Variants in KCNQ5 observed in about 807,000 individuals in gnomAD.
The protein encoded by KCNQ5 is potassium voltage-gated channel subfamily KQT member 5.
In KCNQ5, 30 loss-of-function variants were observed where a neutral mutation model predicts 98.2. The observed-to-expected ratio is 0.31, with a 90% CI of 0.23 to 0.41. The LOEUF is 0.41. Ranked by LOEUF, KCNQ5 falls within the 10% of genes least tolerant of loss-of-function variation. The pLI is 1.00. For synonymous variants in KCNQ5, 458 were observed against 449.4 expected (o/e 1.02, Z -0.24); for missense variants, 835 against 1,182.5 (o/e 0.71, Z 4.31).
At chr6:72,745,172 A>T (rs1582210230) in intron 1 of KCNQ5, among the ~76,000 whole-genome samples, 1 of 152,286 alleles carries the variant, frequency 6.6e-6, no homozygotes, top group South Asian at 2.1e-4. Flanking sequence ...TTTGCCATTT[A>T]AAAATCCAGC....
intron 1 of KCNQ5, among the ~76,000 whole-genome samples, chr6:72,908,733 T>C (rs193014810): frequency 6.6e-6 from 1 of 152,216 alleles, no homozygotes; most frequent in Admixed American, 6.5e-5. Context: ...ATCAAAGAAA[T>C]GGAGGAAGTA....
At chr6:73,057,175 G>A (rs1772548047) in intron 3 of KCNQ5, among the ~76,000 whole-genome samples, 1 of 152,108 alleles carries the variant, frequency 6.6e-6, no homozygotes, top group East Asian at 1.9e-4. Context: ...CATGTCCTTT[G>A]CAGGGACATG....
intron 7 of KCNQ5, among the ~76,000 whole-genome samples, chr6:73,116,497 C>G (rs1775501307): frequency 6.6e-6 from 1 of 152,062 alleles, no homozygotes; most frequent in Non-Finnish European, 1.5e-5. Context: ...GAGACCCCAC[C>G]TCTACAAAAA....
chr6:72,936,617 A>G (rs1765927652), intron 1 of KCNQ5, among the ~76,000 whole-genome samples: 1 of 152,230 alleles, frequency 6.6e-6, no homozygotes, highest in African/African-American at 2.4e-5. Flanking sequence ...AAATATATAA[A>G]TGTATCATTT....
intron 1 of KCNQ5, among the ~76,000 whole-genome samples, chr6:72,931,296 G>A (rs890095102): frequency 7.2e-5 from 11 of 152,030 alleles, no homozygotes; most frequent in African/African-American, 2.7e-4. Context: ...GGCCAATATA[G>A]TATGATAATA....
chr6:72,891,536 T>C (rs1779057564), intron 1 of KCNQ5, among the ~76,000 whole-genome samples: 1 of 152,118 alleles, frequency 6.6e-6, no homozygotes, highest in Non-Finnish European at 1.5e-5. Flanking sequence ...TTAAAGTGAC[T>C]TAAAGAAAAC....
chr6:73,128,333 T>C (rs562591988), intron 9 of KCNQ5, among the ~76,000 whole-genome samples: 1 of 152,360 alleles, frequency 6.6e-6, no homozygotes, highest in South Asian at 2.1e-4. Context: ...GGTAAATGTG[T>C]TTATTGATTT....
intron 10 of KCNQ5, among the ~76,000 whole-genome samples, chr6:73,155,520 G>T (rs1299100687): frequency 3.3e-5 from 5 of 152,208 alleles, no homozygotes; most frequent in Non-Finnish European, 5.9e-5. Context: ...TGTGGCTGGA[G>T]AATGGGATGG....
At chr6:72,850,662 G>A (rs1777216466) in intron 1 of KCNQ5, among the ~76,000 whole-genome samples, 1 of 152,162 alleles carries the variant, frequency 6.6e-6, no homozygotes, top group Non-Finnish European at 1.5e-5. Context: ...ATGGAAGAAT[G>A]CTGCCTTTCC....
At chr6:72,839,991 G>A (rs986927012) in intron 1 of KCNQ5, among the ~76,000 whole-genome samples, 5 of 152,076 alleles carry the variant, frequency 3.3e-5, no homozygotes, top group South Asian at 2.1e-4. Flanking sequence ...CCCTTCGACC[G>A]ATATCTCTCT....
chr6:73,081,856 A>G (rs1773786557), intron 5 of KCNQ5, among the ~76,000 whole-genome samples: 1 of 152,106 alleles, frequency 6.6e-6, no homozygotes, highest in Admixed American at 6.6e-5. Flanking sequence ...AAAAGTCTGG[A>G]CCAGAGTTTT....
chr6:72,943,197 G>A (rs982146234), intron 1 of KCNQ5, among the ~76,000 whole-genome samples: 5 of 152,136 alleles, frequency 3.3e-5, no homozygotes, highest in South Asian at 4.2e-4. Flanking sequence ...TTATACTGTC[G>A]CTGAAAGATG....
At chr6:72,932,898 A>G (rs1405998083) in intron 1 of KCNQ5, among the ~76,000 whole-genome samples, 1 of 152,196 alleles carries the variant, frequency 6.6e-6, no homozygotes, top group African/African-American at 2.4e-5. Context: ...GCTGTATTTT[A>G]TACTAAAACT....
intron 3 of KCNQ5, among the ~76,000 whole-genome samples, chr6:73,058,384 G>A (rs1309889933): frequency 6.6e-6 from 1 of 152,112 alleles, no homozygotes; most frequent in Non-Finnish European, 1.5e-5. Context: ...CTGCACTCCA[G>A]CCTGGGCGAC....
chr6:72,736,502 CTTT>C (rs752921476), intron 1 of KCNQ5, among the ~76,000 whole-genome samples: 1 of 121,038 alleles, frequency 8.3e-6, no homozygotes. Flanking sequence ...AAAAAGATTT[CTTT>C]TTTTTTTTTT....
chr6:72,791,258 T>C (rs1300149871), intron 1 of KCNQ5, among the ~76,000 whole-genome samples: 4 of 152,212 alleles, frequency 2.6e-5, no homozygotes, highest in Non-Finnish European at 4.4e-5. Flanking sequence ...CTGTAATGTA[T>C]GTCCATGTAC....
chr6:72,635,766 T>G (rs2098923755), intron 1 of KCNQ5, among the ~76,000 whole-genome samples: 1 of 151,528 alleles, frequency 6.6e-6, no homozygotes. Flanking sequence ...TGTTGCTTTC[T>G]TTTCCTCTGA....
chr6:73,069,109 C>T (rs1773196088), intron 3 of KCNQ5, among the ~76,000 whole-genome samples: 1 of 151,894 alleles, frequency 6.6e-6, no homozygotes, highest in Admixed American at 6.6e-5. Context: ...TTGTAAAGAA[C>T]TTTTTTATAT....
chr6:73,176,428 C>T (rs150031086), intron 11 of KCNQ5, among the ~76,000 whole-genome samples: 1 of 152,334 alleles, frequency 6.6e-6, no homozygotes, highest in African/African-American at 2.4e-5. Context: ...GCTTCCTGCA[C>T]AGCCTGCAGA....
Sources: gnomAD v4.1 joint callset for allele counts (sites outside exome capture counted in the v4.1 genomes callset) on GRCh38, gnomAD v4.1.1 for gene constraint, MANE v1.5 for transcripts, NCBI Gene and HGNC (gene_info 2026-07-23, HGNC 2026-07-21) for gene names.